Variants in EPHA6 observed in about 807,000 individuals in gnomAD.
EPHA6 encodes EPH receptor A6, also known as ephrin type-A receptor 6.
Under a neutral mutation model 112.0 loss-of-function variants are expected in EPHA6, and 50 were observed. That is an observed-to-expected ratio of 0.45 (90% CI 0.36 to 0.56). The LOEUF (loss-of-function observed/expected upper bound fraction) is 0.56, where lower values mean the gene tolerates loss of function less well. Ranked by LOEUF, EPHA6 falls within the 20% of genes least tolerant of loss-of-function variation. The probability of loss-of-function intolerance (pLI) is 0.00; values close to 1 mark genes in which losing one functional copy is unlikely to be tolerated. For synonymous variants in EPHA6, 529 were observed against 490.7 expected, an observed-to-expected ratio of 1.08 and a Z score of -1.03; for missense variants, 1,280 against 1,417.4, an observed-to-expected ratio of 0.90 and a Z score of 1.56.
intron 5 of EPHA6, among the ~76,000 whole-genome samples, chr3:97,367,111 G>A (rs961855668): frequency 2.0e-5 from 3 of 152,120 alleles, no homozygotes; most frequent in African/African-American, 7.2e-5. Context: ...TCTTACTCCA[G>A]GACCCATGTT....
intron 13 of EPHA6, among the ~76,000 whole-genome samples, chr3:97,631,534 T>C (rs1386793379): frequency 2.6e-5 from 4 of 152,058 alleles, no homozygotes; most frequent in Non-Finnish European, 5.9e-5. Context: ...TAATTCATAG[T>C]TAGTGAACCA....
Position 97,144,219 on chromosome 3 carries a change from A to G in EPHA6, c.1115-82045A>G, listed in dbSNP as rs115917507. On this transcript the variant is annotated intron_variant, in intron 3 of 17. Transcript: ENST00000389672. ...TCAGCAGGGTTAGTATAGGTATACT[A>G]ATTATTGCTTTAATTTAAATTTCCT... is the stretch of plus-strand genomic sequence containing the variant. Among the ~76,000 whole-genome samples the G allele has an allele frequency of 4.9e-3, 739 of 151,804 alleles. 6 individuals carry two copies. Among genetic ancestry groups the G allele is most frequent in the African/African-American group, 0.016 (654 of 41,508 alleles).
intron 11 of EPHA6, among the ~76,000 whole-genome samples, chr3:97,567,047 G>A (rs1257777591): frequency 6.6e-6 from 1 of 152,136 alleles, no homozygotes; most frequent in Non-Finnish European, 1.5e-5. Flanking sequence ...GCTCTTCCAA[G>A]ACCACAGCAA....
intron 3 of EPHA6, among the ~76,000 whole-genome samples, chr3:97,182,357 AAT>A (rs922377265): frequency 6.7e-6 from 1 of 149,334 alleles, no homozygotes; most frequent in African/African-American, 2.4e-5. Flanking sequence ...TATTATAATA[AAT>A]ATGTTTGTTT....
chr3:96,910,213 C>T (rs1385598152), intron 2 of EPHA6, among the ~76,000 whole-genome samples: 1 of 151,964 alleles, frequency 6.6e-6, no homozygotes. Context: ...TTAACAGCAA[C>T]AACAAAAATA....
chr3:97,465,652 A>T (rs1387069008), intron 7 of EPHA6, among the ~76,000 whole-genome samples: 1 of 152,060 alleles, frequency 6.6e-6, no homozygotes, highest in Non-Finnish European at 1.5e-5. Context: ...TGGTTAAATG[A>T]GTTTTGGCAT....
Position 96,987,612 on chromosome 3 carries a change from A to G in EPHA6, c.733A>G (p.Ile245Val), listed in dbSNP as rs772364782. Reference sequence around the variant, plus strand: ...AAACCAGTATACAAAGATCGACACAATTGCTGCTGATGAGAGTTTTACCCA... The same window carrying G: ...AAACCAGTATACAAAGATCGACACAGTTGCTGCTGATGAGAGTTTTACCCA... ...KPNQYTKIDTIAADESFTQMD... is the reference protein window; with the variant it reads ...KPNQYTKIDTVAADESFTQMD... Residue 245 changes from isoleucine to valine, a missense_variant, in exon 3 of 18, where the codon ATT becomes GTT. Ile to Val is a conservative substitution (Grantham distance 29). Around this residue, in one of 4 missense-constraint regions of EPHA6, gnomAD observed 878 missense variants for 999.7 expected, o/e 0.88. Transcript: ENST00000389672. The G allele has an allele frequency of 6.2e-7, 1 of 1,613,036 alleles. No individual in the cohort carries two copies. Among genetic ancestry groups the G allele is most frequent in the African/African-American group, 1.3e-5 (1 of 75,036 alleles).
chr3:97,502,464 C>T (rs1026024864), intron 10 of EPHA6, among the ~76,000 whole-genome samples: 64 of 151,840 alleles, frequency 4.2e-4, no homozygotes, highest in African/African-American at 1.4e-3. Flanking sequence ...CCACCGTGCC[C>T]GGGCAAGTAC....
chr3:97,032,904 T>C (rs1477067346), intron 3 of EPHA6, among the ~76,000 whole-genome samples: 4 of 151,936 alleles, frequency 2.6e-5, no homozygotes, highest in Non-Finnish European at 5.9e-5. Context: ...GTCATAGTCT[T>C]GTTTGTGAGC....
intron 12 of EPHA6, among the ~76,000 whole-genome samples, chr3:97,597,487 G>A (rs1421882654): frequency 2.6e-5 from 4 of 152,136 alleles, no homozygotes; most frequent in African/African-American, 9.7e-5. Context: ...AAAGAGATTT[G>A]GATGAGCCTT....
At chr3:97,494,487 C>T (rs928771396) in intron 10 of EPHA6, among the ~76,000 whole-genome samples, 4 of 152,100 alleles carry the variant, frequency 2.6e-5, no homozygotes, top group Non-Finnish European at 5.9e-5. Context: ...AATTTACCTT[C>T]GTGAGCTGTA....
At chr3:97,298,253 G>A (rs1342499066) in intron 5 of EPHA6, among the ~76,000 whole-genome samples, 1 of 152,088 alleles carries the variant, frequency 6.6e-6, no homozygotes, top group African/African-American at 2.4e-5. Context: ...TTCAAACCTA[G>A]AGATGAGTGA....
chr3:97,330,771 A>T (rs569641174), intron 5 of EPHA6, among the ~76,000 whole-genome samples: 1 of 152,126 alleles, frequency 6.6e-6, no homozygotes, highest in Non-Finnish European at 1.5e-5. Flanking sequence ...CTACAAAGTG[A>T]CTTAGACTCC....
At chr3:97,541,011 A>G (rs2092841223) in intron 11 of EPHA6, among the ~76,000 whole-genome samples, 1 of 152,192 alleles carries the variant, frequency 6.6e-6, no homozygotes, top group Non-Finnish European at 1.5e-5. Flanking sequence ...GCAATCAATC[A>G]TCACTGAGAA....
At chr3:97,014,148 G>A (rs2044184060) in intron 3 of EPHA6, among the ~76,000 whole-genome samples, 3 of 152,052 alleles carry the variant, frequency 2.0e-5, no homozygotes, top group African/African-American at 7.2e-5. Context: ...TTTTAAGATA[G>A]AGATAAACAG....
intron 2 of EPHA6, among the ~76,000 whole-genome samples, chr3:96,923,479 A>T (rs1299844400): frequency 2.0e-5 from 3 of 150,186 alleles, no homozygotes; most frequent in African/African-American, 7.5e-5. Context: ...CCTACTATTT[A>T]AGGTTTTTTT....
At chr3:97,510,273 A>C (rs1262194697) in intron 10 of EPHA6, among the ~76,000 whole-genome samples, 1 of 152,094 alleles carries the variant, frequency 6.6e-6, no homozygotes, top group Non-Finnish European at 1.5e-5. Flanking sequence ...TTCTCACTCT[A>C]GTTTTTGGAA....
chr3:97,215,709 A>C (rs2078015939), intron 3 of EPHA6, among the ~76,000 whole-genome samples: 1 of 152,050 alleles, frequency 6.6e-6, no homozygotes, highest in Non-Finnish European at 1.5e-5. Context: ...GACTTTTGCC[A>C]TATGTATGAC....
chr3:97,130,736 A>G (rs1362453653), intron 3 of EPHA6, among the ~76,000 whole-genome samples: 3 of 152,134 alleles, frequency 2.0e-5, no homozygotes, highest in Non-Finnish European at 2.9e-5. Flanking sequence ...TGTAGACTTG[A>G]ATAATTTGAT....
Sources: allele counts gnomAD v4.1 joint callset (sites outside exome capture counted in the v4.1 genomes callset), GRCh38; gene constraint gnomAD v4.1.1; regional missense constraint gnomAD v4.1.1; transcripts MANE v1.5; gene names NCBI Gene and HGNC (gene_info 2026-07-23, HGNC 2026-07-21).